Variants in RGPD2 observed in about 807,000 individuals in gnomAD.
The protein encoded by RGPD2 is RANBP2 like and GRIP domain containing 2.
A neutral mutation model predicts 36.0 loss-of-function variants in RGPD2; 2 were observed. The observed-to-expected ratio is 0.06, with a 90% confidence interval of 0.02 to 0.17. The LOEUF (loss-of-function observed/expected upper bound fraction) is 0.17, where lower values mean the gene tolerates loss of function less well. Among genes scored for constraint, RGPD2 ranks in the 10% least tolerant of loss-of-function variants. The pLI is 1.00. For synonymous variants in RGPD2, 19 were observed against 163.8 expected, an observed-to-expected ratio of 0.12 and a Z score of 6.75; for missense variants, 40 against 464.3, an observed-to-expected ratio of 0.09 and a Z score of 8.40.
At chr2:87,914,109 G>T in the RGPD2 span, among the ~76,000 whole-genome samples, 1 of 150,622 alleles carries the variant, frequency 6.6e-6, no homozygotes, top group Non-Finnish European at 1.5e-5. Flanking sequence ...CTTATACAAG[G>T]AGTCAGAAGA....
the RGPD2 span, among the ~76,000 whole-genome samples, chr2:87,847,178 G>A: frequency 1.3e-5 from 2 of 151,988 alleles, no homozygotes; most frequent in Non-Finnish European, 2.9e-5. Flanking sequence ...TACATTTATT[G>A]ATGTTAAGCC....
the RGPD2 span, among the ~76,000 whole-genome samples, chr2:87,985,165 G>A: frequency 7.2e-6 from 1 of 138,504 alleles, no homozygotes; most frequent in Admixed American, 7.5e-5. Context: ...ATGTTACTGG[G>A]GGAAGAGGGT....
the RGPD2 span, among the ~76,000 whole-genome samples, chr2:87,841,319 G>C: frequency 2.6e-5 from 4 of 152,118 alleles, no homozygotes; most frequent in African/African-American, 9.7e-5. Flanking sequence ...CTCTGAAGCT[G>C]AGCAGTTGCT....
the RGPD2 span, among the ~76,000 whole-genome samples, chr2:87,847,360 C>T: frequency 6.6e-6 from 1 of 152,058 alleles, no homozygotes; most frequent in African/African-American, 2.4e-5. Flanking sequence ...AAGTGATTAG[C>T]ATGTTTTGAT....
At chr2:87,827,260 C>T (rs1686840669), upstream of RGPD2, among the ~76,000 whole-genome samples, 1 of 152,224 alleles carries the variant, frequency 6.6e-6, no homozygotes, top group Admixed American at 6.5e-5. Flanking sequence ...TATTCCTCTA[C>T]CCCTTGAGGT....
chr2:87,913,029 G>A, the RGPD2 span, among the ~76,000 whole-genome samples: 128 of 152,104 alleles, frequency 8.4e-4, 1 homozygote, highest in South Asian at 1.5e-3. Flanking sequence ...TTACTAGGTC[G>A]CTCAGCTGTC....
chr2:87,917,915 A>C, the RGPD2 span, among the ~76,000 whole-genome samples: 1 of 122,398 alleles, frequency 8.2e-6, no homozygotes, highest in East Asian at 2.1e-4. Context: ...GAAGCTTCAA[A>C]GCACTAATAT....
chr2:87,937,882 C>T, the RGPD2 span, among the ~76,000 whole-genome samples: 7 of 151,794 alleles, frequency 4.6e-5, no homozygotes, highest in Non-Finnish European at 8.8e-5. Context: ...ATTACTGTGA[C>T]ATTAAGAAAT....
the RGPD2 span, among the ~76,000 whole-genome samples, chr2:87,916,218 GTTTA>G: frequency 6.7e-6 from 1 of 149,016 alleles, no homozygotes; most frequent in South Asian, 2.1e-4. Flanking sequence ...TTGTCTGCCT[GTTTA>G]TTTAATCAAT....
At chr2:87,798,928 T>TACA (rs1225095059) in intron 8 of RGPD2, among the ~76,000 whole-genome samples, 2 of 130,530 alleles carry the variant, frequency 1.5e-5, no homozygotes, top group African/African-American at 5.4e-5. Flanking sequence ...TCCATAGGTT[T>TACA]ACAGTAAGCA....
At chr2:87,857,421 A>C in the RGPD2 span, among the ~76,000 whole-genome samples, 24 of 151,602 alleles carry the variant, frequency 1.6e-4, no homozygotes, top group East Asian at 1.8e-3. Context: ...CAGCTCACTG[A>C]AAGCTCTGCC....
the RGPD2 span, among the ~76,000 whole-genome samples, chr2:87,986,603 G>A: frequency 1.3e-5 from 2 of 152,014 alleles, no homozygotes; most frequent in East Asian, 2.0e-4. Context: ...CTATGGGCCA[G>A]GCATGGTGAC....
the RGPD2 span, among the ~76,000 whole-genome samples, chr2:87,886,969 T>G: frequency 6.6e-6 from 1 of 151,704 alleles, no homozygotes; most frequent in South Asian, 2.1e-4. Flanking sequence ...CCCGAGAGCT[T>G]GTGCTTAGAA....
chr2:87,924,414 C>T, the RGPD2 span, among the ~76,000 whole-genome samples: 2 of 148,862 alleles, frequency 1.3e-5, no homozygotes, highest in African/African-American at 5.0e-5. Context: ...TGCAGAATAG[C>T]GTTCGAGCAG....
At chr2:87,824,763 C>CAG in intron 1 of RGPD2, among the ~76,000 whole-genome samples, 1 of 117,122 alleles carries the variant, frequency 8.5e-6, no homozygotes, top group Non-Finnish European at 1.8e-5. Context: ...CCGCCGCCGC[C>CAG]GCCGCCCGGC....
chr2:87,973,276 TGCC>T, the RGPD2 span, among the ~76,000 whole-genome samples: 2 of 147,680 alleles, frequency 1.4e-5, no homozygotes, highest in East Asian at 2.0e-4. Flanking sequence ...ACCCCCCTCC[TGCC>T]GCTATCGCCG....
Position 87,822,018 on chromosome 2 carries a change from ACAGT to A in RGPD2, c.73-3399_73-3396del, listed in dbSNP as rs1429286384. Among the ~76,000 whole-genome samples the A allele has an allele frequency of 2.0e-5, 3 of 151,600 alleles. No homozygotes were observed. In the South Asian group the frequency reaches 6.3e-4, roughly 32 times the overall value. Reference sequence around the variant, plus strand: ...AGTCTCGCTCTGTCGCCCATCTTGCACAGTCAAATGAATCTCCCTCCCCCTAAAA... The same window carrying A: ...AGTCTCGCTCTGTCGCCCATCTTGCACAAATGAATCTCCCTCCCCCTAAAA... On this transcript the variant is annotated intron_variant, in intron 1 of 22. Coordinates refer to ENST00000398146, the MANE Select transcript of RGPD2 (RefSeq NM_001078170.3).
At chr2:87,875,416 G>C in the RGPD2 span, among the ~76,000 whole-genome samples, 2 of 152,270 alleles carry the variant, frequency 1.3e-5, no homozygotes, top group African/African-American at 4.8e-5. Context: ...AACATGAAGG[G>C]ATGTTGAATT....
chr2:87,937,721 G>T, the RGPD2 span, among the ~76,000 whole-genome samples: 7 of 151,932 alleles, frequency 4.6e-5, no homozygotes, highest in Non-Finnish European at 7.4e-5. Context: ...GGGGACAAAC[G>T]TCCAAACTAT....
Sources: gnomAD v4.1 joint callset for allele counts (sites outside exome capture counted in the v4.1 genomes callset) on GRCh38, gnomAD v4.1.1 for gene constraint, MANE v1.5 for transcripts, NCBI Gene and HGNC (gene_info 2026-07-23, HGNC 2026-07-21) for gene names.